Variants in SOX6 observed in about 807,000 individuals in gnomAD.
The protein encoded by SOX6 is transcription factor SOX-6.
Under a neutral mutation model 97.8 loss-of-function variants are expected in SOX6, and 11 were observed. The observed-to-expected ratio is 0.11, with a 90% CI of 0.07 to 0.19. The LOEUF (loss-of-function observed/expected upper bound fraction) is 0.19. SOX6 is among the 10% of genes least tolerant of loss of function. The probability of loss-of-function intolerance (pLI) is 1.00; values close to 1 mark genes in which losing one functional copy is unlikely to be tolerated. For synonymous variants in SOX6, 360 were observed against 371.4 expected (o/e 0.97, Z 0.35); for missense variants, 810 against 1,039.5 (o/e 0.78, Z 3.04).
At chr11:16,690,422 A>G (rs1286231858) in intron 3 of SOX6, among the ~76,000 whole-genome samples, 1 of 152,232 alleles carries the variant, frequency 6.6e-6, no homozygotes, top group Non-Finnish European at 1.5e-5. Flanking sequence ...ATTCAAAGCC[A>G]AGATTTTGAC....
At chr11:16,064,541 C>T (rs913402588) in intron 9 of SOX6, among the ~76,000 whole-genome samples, 1 of 148,568 alleles carries the variant, frequency 6.7e-6, no homozygotes, top group Non-Finnish European at 1.5e-5. Flanking sequence ...TATATGAAGC[C>T]ATATATATAT....
At chr11:16,102,658 T>A (rs1564955651) in intron 7 of SOX6, among the ~76,000 whole-genome samples, 1 of 152,078 alleles carries the variant, frequency 6.6e-6, no homozygotes, top group East Asian at 1.9e-4. Context: ...CAAAACAGCA[T>A]GGTACTGGTA....
chr11:16,460,211 T>C (rs544000308), intron 1 of SOX6, among the ~76,000 whole-genome samples: 1 of 152,188 alleles, frequency 6.6e-6, no homozygotes, highest in South Asian at 2.1e-4. Context: ...GAAATTACTA[T>C]ACTTAGTGGA....
Position 16,015,398 on chromosome 11 carries a change from T to C in SOX6, c.1624-348A>G, listed in dbSNP as rs1159872122. 5.9e-5 allele frequency: 17 copies of C among 287,092 alleles called. No individual in the cohort carries two copies. In the East Asian group the frequency reaches 1.3e-3, roughly 22 times the overall value. The allele number at this position is 287,092 out of a possible 1,614,324, so 17.8% of individuals were successfully genotyped here. ...CAAAAACCTGAAAGAGCAGTTCTTA[T>C]TAAAATACACGGCTCAATTTAATGG... On this transcript the variant is annotated intron_variant, in intron 12 of 15. Transcript: ENST00000683767.
chr11:16,039,351 G>T lies in SOX6; in HGVS notation c.1623+7163C>A, dbSNP rs72866363. Among the ~76,000 whole-genome samples, 589 of 152,106 alleles carry T rather than the reference G, an allele frequency of 3.9e-3. 3 individuals carry two copies. The highest frequency in any genetic ancestry group is 0.027 in the Middle Eastern group (8 of 294). Reference sequence around the variant, plus strand: ...TCAATTCTAAACTTTTACTGTGTTTGATCAGTGAAAACTGTTATTAAGGTT... The same window carrying T: ...TCAATTCTAAACTTTTACTGTGTTTTATCAGTGAAAACTGTTATTAAGGTT... On this transcript the variant is annotated intron_variant, in intron 12 of 15. Coordinates refer to ENST00000683767, the MANE Select transcript of SOX6 (RefSeq NM_001367873.1).
intron 2 of SOX6, among the ~76,000 whole-genome samples, chr11:16,722,202 G>A (rs1260434586): frequency 3.3e-5 from 5 of 151,406 alleles, no homozygotes; most frequent in South Asian, 2.1e-4. Flanking sequence ...TCTACACAGC[G>A]AAAAAAAACT....
At chr11:15,984,911 G>A (rs905215300) in intron 15 of SOX6, among the ~76,000 whole-genome samples, 3 of 152,034 alleles carry the variant, frequency 2.0e-5, no homozygotes, top group Non-Finnish European at 4.4e-5. Flanking sequence ...TTTTAAAAGC[G>A]TTGCCTCATT....
rs560128426 is a variant in SOX6 at position 16,667,215 on chromosome 11, G to A, written n.429+47615C>T. 3.2e-4 allele frequency among the ~76,000 whole-genome samples: 48 copies of A among 152,190 alleles called. 1 individual carries two copies. In the South Asian group the frequency reaches 4.4e-3, roughly 14 times the overall value. On this transcript the variant is annotated intron_variant and non_coding_transcript_variant, in intron 3 of 5. Coordinates refer to the SOX6 transcript ENST00000524520. ...AGATCACACCACTGCTTTCCAGCCT[G>A]GGCAACAGCCAGACCCTGTCTCAAT...
At chr11:16,538,927 G>A (rs1861356848) in intron 4 of SOX6, among the ~76,000 whole-genome samples, 1 of 152,016 alleles carries the variant, frequency 6.6e-6, no homozygotes, top group African/African-American at 2.4e-5. Flanking sequence ...GAGACAGAAG[G>A]TTAACAAGGA....
intron 3 of SOX6, among the ~76,000 whole-genome samples, chr11:16,237,985 C>T (rs530085513): frequency 2.6e-5 from 4 of 151,826 alleles, no homozygotes; most frequent in South Asian, 2.1e-4. Flanking sequence ...AAAAAATGAA[C>T]GTAAGTCATA....
chr11:16,312,126 A>G (rs1468690724), intron 3 of SOX6: 1 of 152,054 alleles, frequency 6.6e-6, no homozygotes, highest in Non-Finnish European at 1.5e-5. Flanking sequence ...CTGGGCAAAT[A>G]CTCTAATTTC....
At chr11:16,621,266 A>G (rs1413005683) in intron 3 of SOX6, among the ~76,000 whole-genome samples, 1 of 152,230 alleles carries the variant, frequency 6.6e-6, no homozygotes, top group Non-Finnish European at 1.5e-5. Flanking sequence ...AGGTAAACTA[A>G]AAATCCTAAA....
intron 1 of SOX6, among the ~76,000 whole-genome samples, chr11:16,363,713 T>C (rs887053118): frequency 2.0e-5 from 3 of 152,188 alleles, no homozygotes; most frequent in African/African-American, 7.2e-5. Context: ...GCATCTTTGC[T>C]TATCTGTGTA....
intron 4 of SOX6, among the ~76,000 whole-genome samples, chr11:16,513,370 G>C (rs537944766): frequency 1.8e-4 from 28 of 152,254 alleles, no homozygotes; most frequent in East Asian, 5.8e-4. Context: ...CAGTGGCTCA[G>C]GCCTGTAATC....
At chr11:16,284,316 T>G (rs1218683488) in intron 3 of SOX6, among the ~76,000 whole-genome samples, 1 of 152,170 alleles carries the variant, frequency 6.6e-6, no homozygotes, top group Non-Finnish European at 1.5e-5. Flanking sequence ...AATGTTATTG[T>G]CATTTGTCAA....
intron 3 of SOX6, among the ~76,000 whole-genome samples, chr11:16,268,022 G>A (rs974446282): frequency 1.3e-5 from 2 of 151,340 alleles, no homozygotes; most frequent in Non-Finnish European, 3.0e-5. Context: ...GAGTAGAATG[G>A]TGGTTACCAG....
At chr11:16,062,286 T>C (rs1015657306) in intron 9 of SOX6, among the ~76,000 whole-genome samples, 2 of 151,630 alleles carry the variant, frequency 1.3e-5, no homozygotes, top group African/African-American at 2.4e-5. Context: ...AAAAAAACTA[T>C]TTATTCTAAC....
chr11:16,044,473 C>T (rs939370915), intron 12 of SOX6, among the ~76,000 whole-genome samples: 1 of 151,876 alleles, frequency 6.6e-6, no homozygotes, highest in African/African-American at 2.4e-5. Flanking sequence ...TAATATTTAC[C>T]CTCTTTGGCT....
chr11:16,066,840 C>T (rs933287130), intron 9 of SOX6, among the ~76,000 whole-genome samples: 1 of 152,232 alleles, frequency 6.6e-6, no homozygotes. Flanking sequence ...GATATCTCAA[C>T]AGGGTGACTA....
Sources: allele counts gnomAD v4.1 joint callset (sites outside exome capture counted in the v4.1 genomes callset), GRCh38; gene constraint gnomAD v4.1.1; transcripts MANE v1.5; gene names NCBI Gene and HGNC (gene_info 2026-07-23, HGNC 2026-07-21).